The following ZNF24 variants were observed in gnomAD, a reference collection of about 807,000 sequenced individuals.
The protein encoded by ZNF24 is zinc finger protein 24.
ZNF24 carries 11 observed loss-of-function variants against 40.9 expected under a neutral mutation model. The observed-to-expected ratio is 0.27, with a 90% CI of 0.17 to 0.45. ZNF24 has a LOEUF of 0.45. ZNF24 is among the 20% of genes least tolerant of loss of function. ZNF24 has a pLI of 1.00. For missense variants in ZNF24, 293 were observed against 437.7 expected, an observed-to-expected ratio of 0.67 and a Z score of 2.95; for synonymous variants, 139 against 154.7, an observed-to-expected ratio of 0.90 and a Z score of 0.75.
rs1028144901 is a variant in ZNF24, at chr18:35,336,723, A to G, written c.*509T>C. ...TCTTATGGTTCATTTTGAGGCTCTT[A>G]GCCATCCTTTATCCTCTTATTTTCT... On this transcript the variant is annotated 3_prime_UTR_variant, in exon 4 of 4. Transcript: ENST00000261332. 6 of 152,216 alleles carry G rather than the reference A, an allele frequency of 3.9e-5. No homozygotes were observed. Among genetic ancestry groups the G allele is most frequent in the African/African-American group, 1.4e-4 (6 of 41,440 alleles). The allele number at this position is 152,216 out of a possible 1,614,324, so 9.4% of individuals were successfully genotyped here.
intron 3 of ZNF24, chr18:35,339,133 G>T: frequency 8.0e-7 from 1 of 1,244,788 alleles, no homozygotes; most frequent in Non-Finnish European, 1.1e-6. Flanking sequence ...AAGCAATCTA[G>T]CAGTTTTAGG....
In ZNF24 at chr18:35,344,401, T is replaced by G. The variant is rs1050075813; in HGVS notation, c.-125A>C. 3.3e-5 allele frequency: 5 copies of G among 152,356 alleles called. No individual in the cohort carries two copies. Among genetic ancestry groups the G allele is most frequent in the African/African-American group, 1.2e-4 (5 of 41,450 alleles). The allele number at this position is 152,356 out of a possible 1,614,324, so 9.4% of individuals were successfully genotyped here. On this transcript the variant is annotated 5_prime_UTR_variant, in exon 1 of 4. Transcript: ENST00000261332. ...CTCAGGAACCGCAGCAGCTTCGCTG[T>G]CCACGGCAGACGCAGAAACGCCGTT...
rs2044869984 is a variant in ZNF24 at position 35,332,799 on chromosome 18, A to C, written c.*4433T>G. The C allele has an allele frequency of 6.5e-6, 1 of 152,680 alleles. No homozygotes were observed. The highest frequency in any genetic ancestry group is 2.4e-5 in the African/African-American group (1 of 41,456). 9.5% of individuals were successfully genotyped at this position (152,680 alleles called of 1,614,324 possible). The stretch of plus-strand genomic sequence containing the variant: ...TGGGGAAGGAGATGCTGAACAAATA[A>C]AAACAATATATCCACACATAACCCA... On this transcript the variant is annotated 3_prime_UTR_variant, in exon 4 of 4. Coordinates refer to ENST00000261332, the MANE Select transcript of ZNF24 (RefSeq NM_006965.4).
chr18:35,338,991 TCC>T (rs2044939651), intron 3 of ZNF24: 1 of 1,532,834 alleles, frequency 6.5e-7, no homozygotes, highest in South Asian at 1.2e-5. Context: ...GCTGGCACTG[TCC>T]CCTCAGATGT....
At position 35,340,528 on chromosome 18, in the gene ZNF24, G is replaced by A. The variant is rs2044958427; in HGVS notation, c.123C>T (p.Pro41=). The A allele has an allele frequency of 2.5e-6, 4 of 1,614,084 alleles. No individual in the cohort carries two copies. Among genetic ancestry groups the A allele is most frequent in the South Asian group, 2.2e-5 (2 of 91,090 alleles). The change falls in exon 2 of 4, where the codon CCC becomes CCT. Residue 41 remains proline (P), a synonymous_variant. Coordinates refer to ENST00000261332, the MANE Select transcript of ZNF24 (RefSeq NM_006965.4). The surrounding 1 kb of genome is among the most constrained non-coding windows in gnomAD (Gnocchi z 4.6). ...DPDGEEGSSI[P]WNHLPDPEIF... is the part of the protein sequence containing the mutation. Reference sequence around the variant, plus strand: ...TCTCTGGGTCTGGGAGATGGTTCCAGGGGATACTTGATCCCTCTTCGCCAT... The same window carrying A: ...TCTCTGGGTCTGGGAGATGGTTCCAAGGGATACTTGATCCCTCTTCGCCAT...
At chr18:35,339,134 C>G (rs2044940954) in intron 3 of ZNF24, 3 of 1,245,924 alleles carry the variant, frequency 2.4e-6, no homozygotes, top group Non-Finnish European at 3.4e-6. Flanking sequence ...AGCAATCTAG[C>G]AGTTTTAGGA....
At position 35,333,990 on chromosome 18, in the gene ZNF24, T is replaced by A. The variant is rs1259870379; in HGVS notation, c.*3242A>T. 1 of 152,190 alleles carries A rather than the reference T, an allele frequency of 6.6e-6. No homozygotes were observed. Among genetic ancestry groups the A allele is most frequent in the Non-Finnish European group, 1.5e-5 (1 of 68,028 alleles). The allele number at this position is 152,190 out of a possible 1,614,324, so 9.4% of individuals were successfully genotyped here. The stretch of plus-strand genomic sequence containing the variant: ...TGAAATGGGGTTATGTCCTACTTTA[T>A]ACGGTAGCTGAGGATTAAGAGTTAA... On this transcript the variant is annotated 3_prime_UTR_variant, in exon 4 of 4. Coordinates refer to ENST00000261332, the MANE Select transcript of ZNF24 (RefSeq NM_006965.4).
Position 35,333,929 on chromosome 18 carries a change from TG to T in ZNF24, c.*3302del. 1 of 152,252 alleles carries T rather than the reference TG, an allele frequency of 6.6e-6. No individual in the cohort carries two copies. The allele number at this position is 152,252 out of a possible 1,614,324, so 9.4% of individuals were successfully genotyped here. On this transcript the variant is annotated 3_prime_UTR_variant, in exon 4 of 4. Transcript: ENST00000261332. ...TTATGAAAAAAGAACATCTTCAATG[TG>T]GGGGGAGAGGAGGCAAGTCTCAGTG...
Position 35,337,600 on chromosome 18 carries a change from G to C in ZNF24, c.739C>G (p.Arg247Gly). Reference sequence around the variant, plus strand: ...TCATCACATATATGTTGTTTCTTTCGAGAGGGATTTCTCTTTCTTTCAAAC... The same window carrying C: ...TCATCACATATATGTTGTTTCTTTCCAGAGGGATTTCTCTTTCTTTCAAAC... ...GRFERKRNPS[R>G]KKQHICDECG... Residue 247 changes from arginine to glycine, a missense_variant, in exon 4 of 4, where the codon CGA becomes GGA. Transcript: ENST00000261332. 1 of 1,614,032 alleles carries C rather than the reference G, an allele frequency of 6.2e-7. No individual in the cohort carries two copies. The highest frequency in any genetic ancestry group is 1.1e-5 in the South Asian group (1 of 91,070).
chr18:35,336,076 G>GAC lies in ZNF24; in HGVS notation c.*1154_*1155dup, dbSNP rs1179173500. The GAC allele has an allele frequency of 6.6e-6, 1 of 152,606 alleles. No individual in the cohort carries two copies. Among genetic ancestry groups the GAC allele is most frequent in the Non-Finnish European group, 1.5e-5 (1 of 68,052 alleles). 9.5% of individuals were successfully genotyped at this position (152,606 alleles called of 1,614,324 possible). On this transcript the variant is annotated 3_prime_UTR_variant, in exon 4 of 4. Transcript: ENST00000261332. ...GGTGACCTCCCCTGAGGAATGCTCA[G>GAC]ACAAGGGGAAGAGGCTAACTCACAT...
At position 35,333,235 on chromosome 18, in the gene ZNF24, C is replaced by T. The variant is rs2044873838; in HGVS notation, c.*3997G>A. On this transcript the variant is annotated 3_prime_UTR_variant, in exon 4 of 4. Coordinates refer to ENST00000261332, the MANE Select transcript of ZNF24 (RefSeq NM_006965.4). ...TAATGGCATTTTCATAGTATTTAAT[C>T]ATATTCAACCATTAAAGAAATTTAA... 6.6e-6 allele frequency: 1 copy of T among 152,110 alleles called. No individual in the cohort carries two copies. Among genetic ancestry groups the T allele is most frequent in the Admixed American group, 6.5e-5 (1 of 15,278 alleles). The allele number at this position is 152,110 out of a possible 1,614,324, so 9.4% of individuals were successfully genotyped here. A position where few individuals can be genotyped will look rare whatever the true frequency, so the allele number is the denominator to read the frequency against.
rs1340538185 is a variant in ZNF24 at position 35,334,275 on chromosome 18, C to T, written c.*2957G>A. The T allele has an allele frequency of 6.6e-6, 1 of 152,108 alleles. No individual in the cohort carries two copies. Among genetic ancestry groups the T allele is most frequent in the African/African-American group, 2.4e-5 (1 of 41,412 alleles). 9.4% of individuals were successfully genotyped at this position (152,108 alleles called of 1,614,324 possible). A position where few individuals can be genotyped will look rare whatever the true frequency, so the allele number is the denominator to read the frequency against. ...TTTATCAAGGTTTAATAGCCACCAC[C>T]CATGGCATGGTGAATATGTCCCTGG... On this transcript the variant is annotated 3_prime_UTR_variant, in exon 4 of 4. Transcript: ENST00000261332.
In ZNF24 at chr18:35,340,539, A is replaced by G. The variant is rs1422819005; in HGVS notation, c.112T>C (p.Ser38Pro). 1 of 1,614,176 alleles carries G rather than the reference A, an allele frequency of 6.2e-7. No individual in the cohort carries two copies. Among genetic ancestry groups the G allele is most frequent in the Non-Finnish European group, 8.5e-7 (1 of 1,180,020 alleles). Reference protein sequence around the residue: ...LEEDPDGEEGSSIPWNHLPDP... With the variant: ...LEEDPDGEEGPSIPWNHLPDP... Reference sequence around the variant, plus strand: ...GGGAGATGGTTCCAGGGGATACTTGATCCCTCTTCGCCATCAGGATCCTCC... The same window carrying G: ...GGGAGATGGTTCCAGGGGATACTTGGTCCCTCTTCGCCATCAGGATCCTCC... Residue 38 changes from serine (S) to proline (P), a missense_variant, in exon 2 of 4, where the codon TCA (serine) becomes CCA (proline). This residue lies in a region of ZNF24 where 234 missense variants were observed against 299.2 expected (regional missense o/e 0.78). Coordinates refer to ENST00000261332, the MANE Select transcript of ZNF24 (RefSeq NM_006965.4). The surrounding 1 kb of genome is among the most constrained non-coding windows in gnomAD (Gnocchi z 4.6).
At chr18:35,338,333 C>T (rs768175167) in intron 3 of ZNF24, 131 of 985,352 alleles carry the variant, frequency 1.3e-4, no homozygotes, top group Admixed American at 3.7e-4. Flanking sequence ...CTGTGTTAAC[C>T]AAAGACATGA....
At chr18:35,344,044 C>A (rs1399945241) in intron 1 of ZNF24, 1 of 152,282 alleles carries the variant, frequency 6.6e-6, no homozygotes, top group Non-Finnish European at 1.5e-5. Context: ...CCCCTCCCAT[C>A]ACGACTCCCA....
chr18:35,340,104 A>C lies in ZNF24; in HGVS notation c.420+127T>G. ...TGGCAAAGCGGCACAGATAACAAGG[A>C]GTGGTAGGGGAATGGGGGAAAAGGC... On this transcript the variant is annotated intron_variant, in intron 2 of 3. Coordinates refer to ENST00000261332, the MANE Select transcript of ZNF24 (RefSeq NM_006965.4). The surrounding 1 kb of genome is among the most constrained non-coding windows in gnomAD (Gnocchi z 4.6). The C allele has an allele frequency of 1.4e-6, 2 of 1,480,960 alleles. No individual in the cohort carries two copies. The highest frequency in any genetic ancestry group is 2.6e-5 in the South Asian group (2 of 76,872). The allele number at this position is 1,480,960 out of a possible 1,614,324, so 91.7% of individuals were successfully genotyped here.
At chr18:35,342,618 T>C (rs2044980025) in intron 1 of ZNF24, 2 of 152,218 alleles carry the variant, frequency 1.3e-5, no homozygotes, top group South Asian at 4.1e-4. Flanking sequence ...TAGTTAGCAT[T>C]GTGTTACAAT....
intron 3 of ZNF24, chr18:35,338,098 G>A: frequency 2.3e-6 from 2 of 860,822 alleles, no homozygotes; most frequent in Non-Finnish European, 2.8e-6. Flanking sequence ...AACTTTGTAA[G>A]AATAAAAATA....
chr18:35,336,120 G>A lies in ZNF24; in HGVS notation c.*1112C>T, dbSNP rs544784768. 26 of 152,726 alleles carry A rather than the reference G, an allele frequency of 1.7e-4. No individual in the cohort carries two copies. Among genetic ancestry groups the A allele is most frequent in the African/African-American group, 6.0e-4 (25 of 41,550 alleles). 9.5% of individuals were successfully genotyped at this position (152,726 alleles called of 1,614,324 possible). ...CTCACATAAAACAGCAAACCCCTAT[G>A]ATTTACAGTGGAAGAAATACCTACC... On this transcript the variant is annotated 3_prime_UTR_variant, in exon 4 of 4. Coordinates refer to ENST00000261332, the MANE Select transcript of ZNF24 (RefSeq NM_006965.4).
Sources: gnomAD v4.1 joint callset for allele counts on GRCh38, gnomAD v4.1.1 for gene constraint, gnomAD v4.1.1 regional missense constraint, Gnocchi (gnomAD v3.1) non-coding constraint, MANE v1.5 for transcripts, NCBI Gene and HGNC (gene_info 2026-07-23, HGNC 2026-07-21) for gene names.